Variants in HIP1 observed in about 807,000 individuals in gnomAD.
HIP1 encodes huntingtin-interacting protein 1.
HIP1 carries 65 observed loss-of-function variants against 147.6 expected under a neutral mutation model. That is an observed-to-expected ratio of 0.44 (90% CI 0.36 to 0.54). The LOEUF is 0.54. Among genes scored for constraint, HIP1 ranks in the 20% least tolerant of loss-of-function variants. The probability of loss-of-function intolerance (pLI) is 0.00; values close to 1 mark genes in which losing one functional copy is unlikely to be tolerated. For synonymous variants in HIP1, 479 were observed against 504.0 expected, an observed-to-expected ratio of 0.95 and a Z score of 0.67; for missense variants, 1,061 against 1,299.6, an observed-to-expected ratio of 0.82 and a Z score of 2.82.
At chr7:75,647,884 G>T (rs1367240885) in intron 1 of HIP1, among the ~76,000 whole-genome samples, 2 of 152,268 alleles carry the variant, frequency 1.3e-5, no homozygotes, top group African/African-American at 4.8e-5. Flanking sequence ...GTGACCAAGT[G>T]TGAGGCGTGG....
intron 1 of HIP1, among the ~76,000 whole-genome samples, chr7:75,607,688 G>T (rs1797282277): frequency 6.6e-6 from 1 of 151,698 alleles, no homozygotes; most frequent in African/African-American, 2.4e-5. Context: ...CTCCAGCCTG[G>T]GGACCAGAGT....
At chr7:75,734,798 C>T (rs879965119) in intron 1 of HIP1, among the ~76,000 whole-genome samples, 20 of 152,168 alleles carry the variant, frequency 1.3e-4, no homozygotes, top group Non-Finnish European at 2.5e-4. Flanking sequence ...TTATGTTCTT[C>T]TGTCACTGGA....
At chr7:75,668,832 A>G (rs1350920077) in intron 1 of HIP1, among the ~76,000 whole-genome samples, 1 of 152,212 alleles carries the variant, frequency 6.6e-6, no homozygotes, top group Non-Finnish European at 1.5e-5. Context: ...AGAATTCACC[A>G]TTTTTAAAAA....
chr7:75,544,849 ACTC>A, intron 26 of HIP1, 49 bp from the exon 27 acceptor site: 1 of 1,179,586 alleles, frequency 8.5e-7, no homozygotes, highest in African/African-American at 1.5e-5. Context: ...ATGAGCTGCA[ACTC>A]CTCCACAATC....
intron 1 of HIP1, among the ~76,000 whole-genome samples, chr7:75,632,561 CTTTTT>C (rs58364410): frequency 1.5e-5 from 2 of 134,258 alleles, no homozygotes; most frequent in Non-Finnish European, 1.6e-5. Flanking sequence ...CTAATTTTTT[CTTTTT>C]TTTTTTTTTT....
intron 4 of HIP1, among the ~76,000 whole-genome samples, chr7:75,588,147 A>T (rs1188490420): frequency 6.6e-6 from 1 of 152,232 alleles, no homozygotes; most frequent in Admixed American, 6.5e-5. Flanking sequence ...AATCTGCCCT[A>T]AACTCACAAA....
chr7:75,586,955 T>C, intron 4 of HIP1, 122 bp from the exon 5 acceptor site: 1 of 694,090 alleles, frequency 1.4e-6, no homozygotes, highest in South Asian at 1.6e-5. Context: ...ATTTTATTTA[T>C]TTAGAGATGG....
intron 2 of HIP1, among the ~76,000 whole-genome samples, chr7:75,595,243 TCTTTCTTTCTTCCTTCCTTCCTTC>T (rs1168716905): frequency 6.7e-4 from 70 of 104,856 alleles, no homozygotes; most frequent in African/African-American, 1.6e-3. Context: ...TTTCTTTCTT[TCTTTCTTTCTTCCTTCCTTCCTTC>T]CTTCCTTCCT....
At chr7:75,670,131 A>G (rs28885721) in intron 1 of HIP1, among the ~76,000 whole-genome samples, 20,094 of 150,426 alleles carry the variant, frequency 0.13, 1,411 homozygotes, top group East Asian at 0.2. Flanking sequence ...TAAAATATAC[A>G]TAAAATTTAT....
chr7:75,696,811 G>T (rs1054649413), intron 1 of HIP1, among the ~76,000 whole-genome samples: 1 of 151,074 alleles, frequency 6.6e-6, no homozygotes, highest in Non-Finnish European at 1.5e-5. Flanking sequence ...TGTTGACCAG[G>T]CTGCTCTTGA....
intron 1 of HIP1, among the ~76,000 whole-genome samples, chr7:75,659,287 G>C (rs2117207293): frequency 6.6e-6 from 1 of 152,334 alleles, no homozygotes; most frequent in East Asian, 1.9e-4. Flanking sequence ...AGCTCAGTAA[G>C]GGGAGGGAAT....
chr7:75,723,896 T>C (rs1407402236), intron 1 of HIP1, among the ~76,000 whole-genome samples: 1 of 151,842 alleles, frequency 6.6e-6, no homozygotes, highest in Non-Finnish European at 1.5e-5. Context: ...ACTATAGGTG[T>C]GTGTCAGTGC....
At chr7:75,541,326 C>A (rs1457356648) in intron 29 of HIP1, among the ~76,000 whole-genome samples, 1 of 151,926 alleles carries the variant, frequency 6.6e-6, no homozygotes, top group South Asian at 2.1e-4. Flanking sequence ...GTCAGGAGAT[C>A]GAGACCATCC....
intron 26 of HIP1, 70 bp downstream of exon 26, chr7:75,545,018 T>C: frequency 4.2e-6 from 4 of 961,276 alleles, no homozygotes; most frequent in Non-Finnish European, 4.9e-6. Flanking sequence ...TTTCCCTCCT[T>C]AGCTATTGTT....
chr7:75,715,840 T>C (rs1801300796), intron 1 of HIP1, among the ~76,000 whole-genome samples: 1 of 145,288 alleles, frequency 6.9e-6, no homozygotes, highest in Non-Finnish European at 1.5e-5. Context: ...TATACAAGCA[T>C]GACACTCACA....
Position 75,556,211 on chromosome 7 carries a change from G to A in HIP1, c.1684-42C>T. On this transcript the variant is annotated intron_variant, in intron 17 of 30. Coordinates refer to ENST00000336926, the MANE Select transcript of HIP1 (RefSeq NM_005338.7). ...AAGGAAAGAGGGAGACGCTGGTTGA[G>A]TTAAACAGTCCCTACTTCCCAGAGG... 3.1e-6 allele frequency: 5 copies of A among 1,605,164 alleles called. No homozygotes were observed. In the South Asian group the frequency reaches 4.5e-5, roughly 14 times the overall value.
At chr7:75,605,425 T>C (rs1797187101) in intron 1 of HIP1, among the ~76,000 whole-genome samples, 1 of 151,970 alleles carries the variant, frequency 6.6e-6, no homozygotes, top group Non-Finnish European at 1.5e-5. Context: ...GGCTTCTGAG[T>C]GGCAAGAAGA....
At position 75,539,483 on chromosome 7, in the gene HIP1, A is replaced by ATT. The variant is rs782237909; in HGVS notation, c.2953-54_2953-53dup. ...CTCTTAATCATCTCTCAGAGATTTA[A>ATT]TTTTTATTTATTTTTTTATAGAGAT... On this transcript the variant is annotated intron_variant, in intron 29 of 30. Coordinates refer to ENST00000336926, the MANE Select transcript of HIP1 (RefSeq NM_005338.7). 124 of 1,380,048 alleles carry ATT rather than the reference A, an allele frequency of 9.0e-5. No homozygotes were observed. The African/African-American group carries it at 1.1e-3, about 12-fold the overall frequency. 85.5% of individuals were successfully genotyped at this position (1,380,048 alleles called of 1,614,324 possible). A position where few individuals can be genotyped will look rare whatever the true frequency, so the allele number is the denominator to read the frequency against.
chr7:75,650,184 G>C (rs1798926095), intron 1 of HIP1, among the ~76,000 whole-genome samples: 1 of 152,150 alleles, frequency 6.6e-6, no homozygotes, highest in African/African-American at 2.4e-5. Flanking sequence ...GAGGCCAGCA[G>C]GGGTCAGAGG....
Sources: gnomAD v4.1 joint callset for allele counts (sites outside exome capture counted in the v4.1 genomes callset) on GRCh38, gnomAD v4.1.1 for gene constraint, MANE v1.5 for transcripts, NCBI Gene and HGNC (gene_info 2026-07-23, HGNC 2026-07-21) for gene names.